MAGI2: variants seen among roughly 807,000 people sequenced by gnomAD.
The protein encoded by MAGI2 is membrane-associated guanylate kinase, WW and PDZ domain-containing protein 2.
A neutral mutation model predicts 133.3 loss-of-function variants in MAGI2; 35 were observed. The ratio of observed to expected loss-of-function variants is 0.26; its 90% CI spans 0.20 to 0.35. The LOEUF (loss-of-function observed/expected upper bound fraction) is 0.35. MAGI2 is among the 10% of genes least tolerant of loss of function. The pLI is 1.00. For missense variants in MAGI2, 1,636 were observed against 1,863.4 expected, an observed-to-expected ratio of 0.88 and a Z score of 2.25; for synonymous variants, 729 against 710.6, an observed-to-expected ratio of 1.03 and a Z score of -0.41.
intron 20 of MAGI2, among the ~76,000 whole-genome samples, chr7:78,113,765 A>G (rs535829904): frequency 3.9e-5 from 6 of 152,324 alleles, no homozygotes; most frequent in Non-Finnish European, 8.8e-5. Flanking sequence ...CAAGAGATGC[A>G]TGCCTGTATT....
At chr7:78,885,296 T>G (rs1796174857) in intron 2 of MAGI2, among the ~76,000 whole-genome samples, 1 of 152,140 alleles carries the variant, frequency 6.6e-6, no homozygotes, top group Non-Finnish European at 1.5e-5. Flanking sequence ...ATGTAGCCCC[T>G]GAATGTAAAA....
chr7:78,085,551 CACACACACACACA>C (rs1816537790), intron 20 of MAGI2, among the ~76,000 whole-genome samples: 1 of 61,154 alleles, frequency 1.6e-5, no homozygotes, highest in African/African-American at 5.7e-5. Flanking sequence ...ATAAAACTCC[CACACACACACACA>C]CACACACACA....
chr7:78,972,102 G>T (rs1803840470), intron 2 of MAGI2, among the ~76,000 whole-genome samples: 1 of 151,790 alleles, frequency 6.6e-6, no homozygotes. Context: ...GCATTAACAT[G>T]ATATTTAAAA....
chr7:78,558,837 GTTTT>G (rs10691115), intron 3 of MAGI2, among the ~76,000 whole-genome samples: 3 of 130,048 alleles, frequency 2.3e-5, no homozygotes, highest in Non-Finnish European at 4.8e-5. Context: ...TTGAGACACC[GTTTT>G]TTTTTTTTTT....
At chr7:79,434,975 A>G (rs951466880) in intron 1 of MAGI2, among the ~76,000 whole-genome samples, 6 of 152,190 alleles carry the variant, frequency 3.9e-5, no homozygotes, top group Non-Finnish European at 2.9e-5. Context: ...AAACTGGAAC[A>G]TTGTTTTTTC....
At chr7:78,109,254 A>G (rs1173990178) in intron 20 of MAGI2, among the ~76,000 whole-genome samples, 19 of 130,904 alleles carry the variant, frequency 1.5e-4, no homozygotes, top group Non-Finnish European at 6.3e-5. Context: ...CAGTGAGCCG[A>G]CATCGAGCCA....
intron 1 of MAGI2, among the ~76,000 whole-genome samples, chr7:79,408,961 A>T (rs548882817): frequency 1.3e-5 from 2 of 152,318 alleles, no homozygotes; most frequent in East Asian, 3.9e-4. Flanking sequence ...TAACATGCAC[A>T]GAAATTGTAT....
chr7:78,814,497 T>G (rs1789384160), intron 2 of MAGI2, among the ~76,000 whole-genome samples: 1 of 152,198 alleles, frequency 6.6e-6, no homozygotes, highest in South Asian at 2.1e-4. Flanking sequence ...ATGCCTCAAC[T>G]TGTCTACCTC....
intron 20 of MAGI2, among the ~76,000 whole-genome samples, chr7:78,120,034 T>A (rs184974582): frequency 6.6e-6 from 1 of 152,342 alleles, no homozygotes; most frequent in East Asian, 1.9e-4. Flanking sequence ...CTCGATATTA[T>A]AAAGATGTAA....
chr7:79,123,226 A>G (rs1226436817), intron 1 of MAGI2, among the ~76,000 whole-genome samples: 1 of 152,242 alleles, frequency 6.6e-6, no homozygotes, highest in Non-Finnish European at 1.5e-5. Flanking sequence ...AACATCCTTT[A>G]TAGACTATGA....
intron 2 of MAGI2, among the ~76,000 whole-genome samples, chr7:78,798,176 T>G (rs1787769259): frequency 6.6e-6 from 1 of 152,198 alleles, no homozygotes; most frequent in Non-Finnish European, 1.5e-5. Context: ...GGCTGCATTC[T>G]GGATTGGCAA....
chr7:79,174,432 T>C (rs900211536), intron 1 of MAGI2, among the ~76,000 whole-genome samples: 9 of 151,934 alleles, frequency 5.9e-5, no homozygotes, highest in Admixed American at 2.0e-4. Flanking sequence ...CATACACAAA[T>C]GTGTGGTTCG....
chr7:79,179,940 A>G (rs117348284), intron 1 of MAGI2, among the ~76,000 whole-genome samples: 58 of 152,178 alleles, frequency 3.8e-4, no homozygotes, highest in Non-Finnish European at 6.6e-4. Flanking sequence ...GTCAAACTAA[A>G]AAGCTTCTGC....
At chr7:78,610,326 G>A (rs1037468713) in intron 3 of MAGI2, among the ~76,000 whole-genome samples, 7 of 152,180 alleles carry the variant, frequency 4.6e-5, no homozygotes, top group Non-Finnish European at 1.0e-4. Context: ...TAGAGGCTGA[G>A]TCCTAGTGAC....
chr7:78,253,411 T>A (rs1376939914), intron 10 of MAGI2: 1 of 152,250 alleles, frequency 6.6e-6, no homozygotes, highest in Admixed American at 6.5e-5. Flanking sequence ...GGATGATGGA[T>A]GTTCTAAGGA....
intron 20 of MAGI2, among the ~76,000 whole-genome samples, chr7:78,102,977 A>G (rs1818336919): frequency 6.6e-6 from 1 of 152,176 alleles, no homozygotes; most frequent in South Asian, 2.1e-4. Flanking sequence ...TATGATAAAA[A>G]GGCACTTGGG....
intron 6 of MAGI2, among the ~76,000 whole-genome samples, chr7:78,450,804 T>C (rs1788648052): frequency 1.3e-5 from 2 of 152,120 alleles, no homozygotes; most frequent in South Asian, 4.1e-4. Flanking sequence ...CTTCATCTAG[T>C]TTGTTTTCTA....
At chr7:78,844,351 T>G (rs1016058678) in intron 2 of MAGI2, among the ~76,000 whole-genome samples, 1 of 151,976 alleles carries the variant, frequency 6.6e-6, no homozygotes, top group East Asian at 1.9e-4. Context: ...ATTGCTTGTA[T>G]GTGAATGTTC....
intron 2 of MAGI2, among the ~76,000 whole-genome samples, chr7:78,879,732 A>G (rs1409478727): frequency 6.6e-6 from 1 of 152,028 alleles, no homozygotes; most frequent in Non-Finnish European, 1.5e-5. Context: ...ATAATCCCAA[A>G]CTGGAATGGA....
Sources: allele counts gnomAD v4.1 joint callset (sites outside exome capture counted in the v4.1 genomes callset), GRCh38; gene constraint gnomAD v4.1.1; transcripts MANE v1.5; gene names NCBI Gene and HGNC (gene_info 2026-07-23, HGNC 2026-07-21).